The following LRRTM4 variants were observed in gnomAD, a reference collection of about 807,000 sequenced individuals.
LRRTM4 encodes leucine-rich repeat transmembrane neuronal protein 4.
A neutral mutation model predicts 47.6 loss-of-function variants in LRRTM4; 25 were observed. That is an observed-to-expected ratio of 0.53 (90% CI 0.38 to 0.73). The LOEUF (loss-of-function observed/expected upper bound fraction) is 0.73, where lower values mean the gene tolerates loss of function less well. LRRTM4 is among the 30% of genes least tolerant of loss of function. LRRTM4 has a pLI of 0.00. For missense variants in LRRTM4, 638 were observed against 713.4 expected (o/e 0.89, Z 1.20); for synonymous variants, 311 against 269.5 (o/e 1.15, Z -1.51).
chr2:77,356,022 A>G (rs1233808104), intron 3 of LRRTM4, among the ~76,000 whole-genome samples: 1 of 152,166 alleles, frequency 6.6e-6, no homozygotes, highest in Non-Finnish European at 1.5e-5. Flanking sequence ...GAGCCCAGGA[A>G]GGTAGAGGCT....
chr2:76,940,139 G>C (rs928209631), intron 3 of LRRTM4, among the ~76,000 whole-genome samples: 2 of 151,986 alleles, frequency 1.3e-5, no homozygotes, highest in African/African-American at 4.8e-5. Flanking sequence ...CCACTACTGG[G>C]TATATACCTA....
At chr2:77,455,587 C>G (rs918285139) in intron 3 of LRRTM4, among the ~76,000 whole-genome samples, 1 of 151,890 alleles carries the variant, frequency 6.6e-6, no homozygotes, top group African/African-American at 2.4e-5. Context: ...TTCCTATTCT[C>G]AAACCTCTTC....
At chr2:77,069,109 C>G (rs1465154303) in intron 3 of LRRTM4, among the ~76,000 whole-genome samples, 1 of 152,112 alleles carries the variant, frequency 6.6e-6, no homozygotes, top group Non-Finnish European at 1.5e-5. Flanking sequence ...GGGTAAATCT[C>G]TATTCGAGGC....
At chr2:77,412,333 G>C (rs1176585601) in intron 3 of LRRTM4, among the ~76,000 whole-genome samples, 1 of 152,194 alleles carries the variant, frequency 6.6e-6, no homozygotes, top group Non-Finnish European at 1.5e-5. Context: ...TGGGATAAAA[G>C]TATCCTCTCT....
chr2:77,163,756 T>C (rs1672798399), intron 3 of LRRTM4, among the ~76,000 whole-genome samples: 1 of 152,086 alleles, frequency 6.6e-6, no homozygotes, highest in African/African-American at 2.4e-5. Flanking sequence ...GAAGAGCAAA[T>C]GCTGAGAGAT....
At position 77,051,010 on chromosome 2, in the gene LRRTM4, A is replaced by C. The variant is rs576590797; in HGVS notation, c.1552-302094T>G. On this transcript the variant is annotated intron_variant, in intron 3 of 3. Transcript: ENST00000409884. ...GTGTATCTAGGTAAACAAGATACTT[A>C]AAACATTTTTTTTTTTTTAAAATAG... 4.7e-5 allele frequency among the ~76,000 whole-genome samples: 7 copies of C among 148,264 alleles called. No homozygotes were observed. The South Asian group carries it at 1.3e-3, about 27-fold the overall frequency.
chr2:77,037,876 G>T (rs894119853), intron 3 of LRRTM4, among the ~76,000 whole-genome samples: 1 of 151,666 alleles, frequency 6.6e-6, no homozygotes, highest in Non-Finnish European at 1.5e-5. Context: ...TTGGTAGGAA[G>T]TACACATTTA....
At chr2:77,203,768 T>C (rs947104980) in intron 3 of LRRTM4, among the ~76,000 whole-genome samples, 2 of 152,206 alleles carry the variant, frequency 1.3e-5, no homozygotes, top group Non-Finnish European at 2.9e-5. Context: ...AGCCAGTGCA[T>C]GGTAACACCT....
intron 3 of LRRTM4, among the ~76,000 whole-genome samples, chr2:77,355,814 C>T (rs1671945307): frequency 6.6e-6 from 1 of 152,112 alleles, no homozygotes; most frequent in African/African-American, 2.4e-5. Flanking sequence ...TAGGTGGGAC[C>T]AGGCACAGTG....
At chr2:76,829,651 A>G (rs1238773302) in intron 3 of LRRTM4, among the ~76,000 whole-genome samples, 1 of 151,982 alleles carries the variant, frequency 6.6e-6, no homozygotes, top group Non-Finnish European at 1.5e-5. Flanking sequence ...TGTTAAATAA[A>G]TGTATGTGGA....
intron 3 of LRRTM4, among the ~76,000 whole-genome samples, chr2:77,130,822 C>CTT (rs1221439109): frequency 1.2e-3 from 64 of 52,058 alleles, no homozygotes; most frequent in African/African-American, 4.3e-3. Context: ...ATTATTTGTT[C>CTT]TATTTTTTTT....
chr2:77,215,444 T>C (rs1361652708), intron 3 of LRRTM4, among the ~76,000 whole-genome samples: 1 of 152,208 alleles, frequency 6.6e-6, no homozygotes, highest in African/African-American at 2.4e-5. Flanking sequence ...TCACTTGCCT[T>C]TAAGAAAATG....
At chr2:76,794,066 T>C (rs1169026125) in intron 3 of LRRTM4, among the ~76,000 whole-genome samples, 2 of 152,160 alleles carry the variant, frequency 1.3e-5, no homozygotes, top group Non-Finnish European at 2.9e-5. Context: ...GAACTAAGAA[T>C]TGTAAAAGCG....
intron 3 of LRRTM4, among the ~76,000 whole-genome samples, chr2:76,957,494 A>G (rs1208057927): frequency 3.3e-5 from 5 of 151,808 alleles, no homozygotes; most frequent in Non-Finnish European, 5.9e-5. Flanking sequence ...AAATCTTTCT[A>G]AAGTAACAGG....
intron 3 of LRRTM4, among the ~76,000 whole-genome samples, chr2:76,822,343 T>C (rs1296762897): frequency 6.6e-6 from 1 of 151,542 alleles, no homozygotes; most frequent in Non-Finnish European, 1.5e-5. Context: ...AATGAAAATA[T>C]TCTAGCGAAA....
chr2:77,515,943 C>CA (rs1357704738), intron 3 of LRRTM4, among the ~76,000 whole-genome samples: 3 of 151,740 alleles, frequency 2.0e-5, no homozygotes, highest in Non-Finnish European at 4.4e-5. Flanking sequence ...AACATTCTGT[C>CA]AAAAAATGGG....
intron 3 of LRRTM4, among the ~76,000 whole-genome samples, chr2:76,898,779 G>C (rs1673513730): frequency 2.0e-5 from 3 of 150,834 alleles, no homozygotes; most frequent in African/African-American, 7.3e-5. Context: ...ATAAAATATA[G>C]TCACTATACA....
intron 3 of LRRTM4, among the ~76,000 whole-genome samples, chr2:76,894,432 C>A (rs1673347172): frequency 6.6e-6 from 1 of 152,044 alleles, no homozygotes; most frequent in Non-Finnish European, 1.5e-5. Flanking sequence ...TCTAAATTGA[C>A]CAGTTTTGAG....
chr2:77,357,669 T>C (rs1672018699), intron 3 of LRRTM4, among the ~76,000 whole-genome samples: 1 of 152,324 alleles, frequency 6.6e-6, no homozygotes, highest in South Asian at 2.1e-4. Context: ...ACTTGGAAAC[T>C]TAACTAAAAC....
Sources: allele counts gnomAD v4.1 joint callset (sites outside exome capture counted in the v4.1 genomes callset), GRCh38; gene constraint gnomAD v4.1.1; transcripts MANE v1.5; gene names NCBI Gene and HGNC (gene_info 2026-07-23, HGNC 2026-07-21).